Variants in GRWD1 observed in about 807,000 individuals in gnomAD.
GRWD1 encodes glutamate-rich WD repeat-containing protein 1.
GRWD1 carries 29 observed loss-of-function variants against 45.3 expected under a neutral mutation model. That is an observed-to-expected ratio of 0.64 (90% CI 0.48 to 0.87). GRWD1 has a LOEUF of 0.87. GRWD1 is among the 40% of genes least tolerant of loss of function. GRWD1 has a pLI of 0.00. For synonymous variants in GRWD1, 262 were observed against 257.6 expected, an observed-to-expected ratio of 1.02 and a Z score of -0.16; for missense variants, 592 against 618.8, an observed-to-expected ratio of 0.96 and a Z score of 0.46.
chr19:48,450,132 T>C lies in GRWD1; in HGVS notation c.469-181T>C, dbSNP rs1971454064. On this transcript the variant is annotated intron_variant, in intron 3 of 6. Transcript: ENST00000253237. The surrounding 1 kb of genome is among the most constrained non-coding windows in gnomAD (Gnocchi z 5.1). ...CTGTGGAGAGCTGTCCCAGTTACCA[T>C]GCTGGTTTTTGCAGGTTGTGATTTT... Among the ~76,000 whole-genome samples, 1 of 142,392 alleles carries C rather than the reference T, an allele frequency of 7.0e-6. No individual in the cohort carries two copies. The highest frequency in any genetic ancestry group is 6.9e-5 in the Admixed American group (1 of 14,442). 93.4% of individuals were successfully genotyped at this position (142,392 alleles called of 152,430 possible).
Position 48,450,596 on chromosome 19 carries a change from C to T in GRWD1, c.682+70C>T, listed in dbSNP as rs1173936867. On this transcript the variant is annotated intron_variant, in intron 4 of 6. Transcript: ENST00000253237. This position sits in a 1 kb window ranked among gnomAD's most constrained non-coding sequence, Gnocchi z 5.1. ...AGGGTCTGCAACAAGGGGCCGGGCG[C>T]TTAGACTCCAAGGAGGGGAGCGAGC... 1.9e-6 allele frequency: 3 copies of T among 1,609,580 alleles called. No individual in the cohort carries two copies. The highest frequency in any genetic ancestry group is 1.3e-5 in the African/African-American group (1 of 74,804).
At chr19:48,447,780 A>C (rs1971427867) in intron 3 of GRWD1, among the ~76,000 whole-genome samples, 1 of 152,188 alleles carries the variant, frequency 6.6e-6, no homozygotes, top group Admixed American at 6.5e-5. Flanking sequence ...GATTATGAGG[A>C]TATGGTTTAT....
In GRWD1 at chr19:48,450,599, A is replaced by G; in HGVS notation, c.683-67A>G. ...GTCTGCAACAAGGGGCCGGGCGCTT[A>G]GACTCCAAGGAGGGGAGCGAGCTGC... On this transcript the variant is annotated intron_variant, in intron 4 of 6. Transcript: ENST00000253237. This position sits in a 1 kb window ranked among gnomAD's most constrained non-coding sequence, Gnocchi z 5.1. 2 of 1,609,724 alleles carry G rather than the reference A, an allele frequency of 1.2e-6. No homozygotes were observed. The highest frequency in any genetic ancestry group is 1.3e-5 in the African/African-American group (1 of 74,932).
At position 48,450,594 on chromosome 19, in the gene GRWD1, C is replaced by T. The variant is rs565687752; in HGVS notation, c.682+68C>T. 1.2e-4 allele frequency: 194 copies of T among 1,609,060 alleles called. No individual in the cohort carries two copies. The highest frequency in any genetic ancestry group is 1.5e-4 in the Non-Finnish European group (181 of 1,177,034). On this transcript the variant is annotated intron_variant, in intron 4 of 6. Coordinates refer to ENST00000253237, the MANE Select transcript of GRWD1 (RefSeq NM_031485.4). This position sits in a 1 kb window ranked among gnomAD's most constrained non-coding sequence, Gnocchi z 5.1. The stretch of plus-strand genomic sequence containing the variant: ...GCAGGGTCTGCAACAAGGGGCCGGG[C>T]GCTTAGACTCCAAGGAGGGGAGCGA...
In GRWD1 at chr19:48,453,066, T is replaced by C; in HGVS notation, c.*41T>C. On this transcript the variant is annotated 3_prime_UTR_variant, in exon 7 of 7. Coordinates refer to ENST00000253237, the MANE Select transcript of GRWD1 (RefSeq NM_031485.4). ...CTGATCTTGCTTCCTGCTTGGAAAC[T>C]GAAGTCGAATTGGGCTCCCCTGGAA... The C allele has an allele frequency of 1.3e-6, 2 of 1,523,422 alleles. No homozygotes were observed. The highest frequency in any genetic ancestry group is 4.6e-5 in the East Asian group (2 of 43,782). 94.4% of individuals were successfully genotyped at this position (1,523,422 alleles called of 1,614,324 possible).
At chr19:48,449,204 C>T (rs957335895) in intron 3 of GRWD1, among the ~76,000 whole-genome samples, 21 of 152,142 alleles carry the variant, frequency 1.4e-4, no homozygotes, top group Middle Eastern at 3.2e-3. Context: ...AGCGATTCTC[C>T]TGCCTCAGCC....
chr19:48,450,955 G>C lies in GRWD1; in HGVS notation c.826-79G>C, dbSNP rs913029763. The stretch of plus-strand genomic sequence containing the variant: ...TCATAGTAAGGGGAACAGTGAAAGA[G>C]AGAGTAGCCCACCGCTGGCGCTTGG... On this transcript the variant is annotated intron_variant, in intron 5 of 6. Coordinates refer to ENST00000253237, the MANE Select transcript of GRWD1 (RefSeq NM_031485.4). The surrounding 1 kb of genome is among the most constrained non-coding windows in gnomAD (Gnocchi z 5.1). 2.6e-6 allele frequency: 4 copies of C among 1,524,708 alleles called. No individual in the cohort carries two copies. In the East Asian group the frequency reaches 6.8e-5, roughly 26 times the overall value. The allele number at this position is 1,524,708 out of a possible 1,614,324, so 94.4% of individuals were successfully genotyped here.
rs1399127896 is a variant in GRWD1 at position 48,455,924 on chromosome 19, C to T, written c.*2899C>T. Reference sequence around the variant, plus strand: ...ATGTCGGGAGCTCATCACGAGGCCTCGTACATACCAGGTGTGTTTGAAACC... The same window carrying T: ...ATGTCGGGAGCTCATCACGAGGCCTTGTACATACCAGGTGTGTTTGAAACC... On this transcript the variant is annotated 3_prime_UTR_variant, in exon 7 of 7. Transcript: ENST00000253237. 1 of 152,194 alleles carries T rather than the reference C, an allele frequency of 6.6e-6. No individual in the cohort carries two copies. The highest frequency in any genetic ancestry group is 1.9e-4 in the East Asian group (1 of 5,180). The allele number at this position is 152,194 out of a possible 1,614,324, so 9.4% of individuals were successfully genotyped here.
intron 3 of GRWD1, among the ~76,000 whole-genome samples, chr19:48,449,067 GAC>G (rs1279796039): frequency 6.6e-6 from 1 of 152,074 alleles, no homozygotes; most frequent in Non-Finnish European, 1.5e-5. Context: ...GACAGCAATA[GAC>G]ATCATGAGAA....
rs766374937 is a variant in GRWD1 at position 48,446,091 on chromosome 19, C to A, written c.86C>A (p.Pro29Gln). Residue 29 changes from proline to glutamine, a missense_variant, in exon 1 of 7, where the codon CCG becomes CAG. By Grantham distance (76) the Pro-to-Gln change is moderately conservative. Transcript: ENST00000253237. ...TCCGGCGACACAAGTTCCGAGGGCC[C>A]GGCCCAGGTCTACCTGCCCGGCCGG... Reference protein sequence around the residue: ...AESGDTSSEGPAQVYLPGRGP... With the variant: ...AESGDTSSEGQAQVYLPGRGP... 3.8e-6 allele frequency: 6 copies of A among 1,594,834 alleles called. No individual in the cohort carries two copies. In the South Asian group the frequency reaches 6.8e-5, roughly 18 times the overall value.
intron 6 of GRWD1, among the ~76,000 whole-genome samples, chr19:48,451,757 G>T (rs146972096): frequency 2.0e-3 from 301 of 152,286 alleles, no homozygotes; most frequent in African/African-American, 6.8e-3. Context: ...GCTTTGTGTG[G>T]CTCTGCCTTC....
chr19:48,448,535 G>C (rs1354072603), intron 3 of GRWD1, among the ~76,000 whole-genome samples: 4 of 152,168 alleles, frequency 2.6e-5, no homozygotes, highest in Admixed American at 2.6e-4. Context: ...AACTATCCTG[G>C]AAAAAATCCA....
rs987688971 is a variant in GRWD1 at position 48,453,004 on chromosome 19, C to T, written c.1320C>T (p.Ile440=). The T allele has an allele frequency of 3.8e-6, 6 of 1,590,696 alleles. No individual in the cohort carries two copies. The highest frequency in any genetic ancestry group is 1.7e-4 in the Middle Eastern group (1 of 5,984). ...GCACGGCGCTGTCAGGCTTCACCAT[C>T]TTCCGCACCATCAGCGTCTGAGGCG... The part of the protein sequence containing the change: ...LVSTALSGFT[I]FRTISV Residue 440 remains isoleucine (I), a synonymous_variant, in exon 7 of 7, where the codon ATC becomes ATT. Transcript: ENST00000253237.
Position 48,450,297 on chromosome 19 carries a change from C to T in GRWD1, c.469-16C>T. On this transcript the variant is annotated splice_polypyrimidine_tract_variant and intron_variant, in intron 3 of 6. Coordinates refer to ENST00000253237, the MANE Select transcript of GRWD1 (RefSeq NM_031485.4). This position sits in a 1 kb window ranked among gnomAD's most constrained non-coding sequence, Gnocchi z 5.1. ...CCCTCGCTTCACATCACCCTTCCCC[C>T]ACCGCTCTTCTGCAGGTGTCATGGC... 1 of 1,599,592 alleles carries T rather than the reference C, an allele frequency of 6.3e-7. No homozygotes were observed. Among genetic ancestry groups the T allele is most frequent in the Non-Finnish European group, 8.5e-7 (1 of 1,172,372 alleles).
In GRWD1 at chr19:48,450,439, G is replaced by C. The variant is rs1251494970; in HGVS notation, c.595G>C (p.Asp199His). The stretch of plus-strand genomic sequence containing the variant: ...CCAGGCCCTGGCAGCCTTCCTCCGG[G>C]ATGAGCAGGCCCAAATGAAGCCCAT... ...EPQALAAFLR[D>H]EQAQMKPIFS... The change falls in exon 4 of 7, where the codon GAT becomes CAT. Residue 199 changes from aspartate to histidine, a missense_variant. Asp to His is a moderately conservative substitution (Grantham distance 81, BLOSUM62 -1). Coordinates refer to ENST00000253237, the MANE Select transcript of GRWD1 (RefSeq NM_031485.4). The surrounding 1 kb of genome is among the most constrained non-coding windows in gnomAD (Gnocchi z 5.1). 6.2e-7 allele frequency: 1 copy of C among 1,614,152 alleles called. No homozygotes were observed. Among genetic ancestry groups the C allele is most frequent in the East Asian group, 2.2e-5 (1 of 44,876 alleles).
At position 48,446,368 on chromosome 19, in the gene GRWD1, C is replaced by A. The variant is rs772937397; in HGVS notation, c.188-17C>A. On this transcript the variant is annotated splice_polypyrimidine_tract_variant and intron_variant, in intron 1 of 6. Transcript: ENST00000253237. ...ACTGTCCCGTCTTAACTCGTAAACC[C>A]CGCCTTCCATCCCCAGGCGCCCCCT... 6.2e-7 allele frequency: 1 copy of A among 1,611,434 alleles called. No individual in the cohort carries two copies. Among genetic ancestry groups the A allele is most frequent in the Admixed American group, 1.7e-5 (1 of 60,028 alleles).
chr19:48,447,285 C>CG (rs888217507), intron 3 of GRWD1, among the ~76,000 whole-genome samples: 3 of 151,642 alleles, frequency 2.0e-5, no homozygotes, highest in African/African-American at 7.3e-5. Context: ...CTTGCTCTGT[C>CG]GCTTAGACTG....
Position 48,446,751 on chromosome 19 carries a change from G to A in GRWD1, c.376G>A (p.Glu126Lys), listed in dbSNP as rs1433142926. 4 of 1,614,090 alleles carry A rather than the reference G, an allele frequency of 2.5e-6. No individual in the cohort carries two copies. Among genetic ancestry groups the A allele is most frequent in the Non-Finnish European group, 3.4e-6 (4 of 1,179,988 alleles). The change falls in exon 3 of 7, where the codon GAA becomes AAA. Residue 126 changes from glutamate to lysine, a missense_variant. Physicochemically the swap from Glu to Lys is moderately conservative, Grantham distance 56. Transcript: ENST00000253237. ...ACCCTCAGAGGGCAGTGATGAAGAA[G>A]AAGAGGAGGAAGATGAAGAGGATGA... ...PPPSEGSDEEEEEEDEEDEEE... is the reference protein window; with the variant it reads ...PPPSEGSDEEKEEEDEEDEEE...
chr19:48,449,096 C>CT lies in GRWD1; in HGVS notation c.469-1207dup, dbSNP rs1269020011. ...TCATGAGAAGGGGGTTGGAAGTGAG[C>CT]TTTTTTTTTTAGATGAGACAGAGTC... On this transcript the variant is annotated intron_variant, in intron 3 of 6. Transcript: ENST00000253237. Among the ~76,000 whole-genome samples, 15 of 149,114 alleles carry CT rather than the reference C, an allele frequency of 1.0e-4. No individual in the cohort carries two copies. The East Asian group carries it at 1.2e-3, about 12-fold the overall frequency.
Sources: allele counts gnomAD v4.1 joint callset (sites outside exome capture counted in the v4.1 genomes callset), GRCh38; gene constraint gnomAD v4.1.1; non-coding constraint Gnocchi (gnomAD v3.1); transcripts MANE v1.5; gene names NCBI Gene and HGNC (gene_info 2026-07-23, HGNC 2026-07-21).